The following OPCML variants were observed in gnomAD, a reference collection of about 807,000 sequenced individuals.
OPCML encodes opioid binding protein/cell adhesion molecule like.
In OPCML, 13 loss-of-function variants were observed where a neutral mutation model predicts 37.8. That is an observed-to-expected ratio of 0.34 (90% CI 0.22 to 0.55). The LOEUF is 0.55. Ranked by LOEUF, OPCML falls within the 20% of genes least tolerant of loss-of-function variation. OPCML has a pLI of 0.91. For synonymous variants in OPCML, 176 were observed against 168.8 expected (o/e 1.04, Z -0.33); for missense variants, 341 against 435.6 (o/e 0.78, Z 1.93).
intron 1 of OPCML, among the ~76,000 whole-genome samples, chr11:133,043,273 C>A (rs1172145744): frequency 6.6e-6 from 1 of 152,154 alleles, no homozygotes; most frequent in Non-Finnish European, 1.5e-5. Flanking sequence ...CCTATTTTGA[C>A]TTGAAACTGG....
chr11:132,963,513 A>ATCGCTTGAG (rs1946139881), intron 1 of OPCML, among the ~76,000 whole-genome samples: 1 of 150,130 alleles, frequency 6.7e-6, no homozygotes, highest in Non-Finnish European at 1.5e-5. Context: ...AATCGCTTGA[A>ATCGCTTGAG]CCCAGGAGGC....
intron 1 of OPCML, among the ~76,000 whole-genome samples, chr11:132,963,446 GC>G (rs1036903162): frequency 3.9e-5 from 6 of 152,088 alleles, no homozygotes; most frequent in African/African-American, 1.4e-4. Context: ...CAAAAAATTA[GC>G]CAGGTGTGGT....
intron 2 of OPCML, among the ~76,000 whole-genome samples, chr11:132,823,036 C>T (rs1940084315): frequency 6.6e-6 from 1 of 152,152 alleles, no homozygotes; most frequent in Non-Finnish European, 1.5e-5. Flanking sequence ...GTAAATCAGA[C>T]TTTAATCTTT....
chr11:132,671,676 T>C (rs1441778967), intron 2 of OPCML, among the ~76,000 whole-genome samples: 2 of 152,168 alleles, frequency 1.3e-5, no homozygotes, highest in East Asian at 3.9e-4. Context: ...CTTGTGGGAC[T>C]CTCTGTAGAG....
intron 1 of OPCML, among the ~76,000 whole-genome samples, chr11:133,021,189 C>T (rs1226755539): frequency 4.6e-5 from 7 of 152,172 alleles, no homozygotes; most frequent in Non-Finnish European, 8.8e-5. Flanking sequence ...TAAGAGGATA[C>T]ATACAGGTAA....
rs541131159 is a variant in OPCML at position 133,430,152 on chromosome 11, A to G, written c.61+102112T>C. Among the ~76,000 whole-genome samples the G allele has an allele frequency of 9.8e-5, 15 of 152,326 alleles. No individual in the cohort carries two copies. In the South Asian group the frequency reaches 1.4e-3, roughly 15 times the overall value. ...AAATACCGCTGACAGATCAAATCAC[A>G]TCAAGAATGAAAACTGGCCAATGGA... On this transcript the variant is annotated intron_variant, in intron 1 of 7. Coordinates refer to ENST00000524381, the MANE Select transcript of OPCML (RefSeq NM_001012393.5).
At chr11:133,524,650 G>A (rs570087594) in intron 1 of OPCML, among the ~76,000 whole-genome samples, 52 of 152,366 alleles carry the variant, frequency 3.4e-4, no homozygotes, top group Non-Finnish European at 7.1e-4. Flanking sequence ...CGCAGTGTGC[G>A]ATGTGAGATC....
intron 1 of OPCML, among the ~76,000 whole-genome samples, chr11:132,950,910 G>GAA (rs1178782242): frequency 1.5e-4 from 23 of 152,290 alleles, no homozygotes; most frequent in African/African-American, 5.3e-4. Flanking sequence ...AAGAAAACAG[G>GAA]AAAACGCTGC....
chr11:132,607,214 T>A (rs1938357499), intron 3 of OPCML, among the ~76,000 whole-genome samples: 1 of 152,194 alleles, frequency 6.6e-6, no homozygotes, highest in Non-Finnish European at 1.5e-5. Flanking sequence ...CAGTGGAATA[T>A]CTTAAAAGTC....
At chr11:132,454,548 A>G (rs1249581055) in intron 4 of OPCML, among the ~76,000 whole-genome samples, 2 of 152,190 alleles carry the variant, frequency 1.3e-5, no homozygotes, top group African/African-American at 4.8e-5. Flanking sequence ...GCTCACTGCG[A>G]CAGCCTCGCA....
At chr11:133,381,992 G>A (rs1049136047) in intron 1 of OPCML, among the ~76,000 whole-genome samples, 18 of 152,200 alleles carry the variant, frequency 1.2e-4, no homozygotes, top group African/African-American at 2.9e-4. Context: ...GAGGGAGGCC[G>A]GAGCATCTCA....
rs146671277 is a variant in OPCML, at chr11:133,173,374, C to T, written c.62-230364G>A. Reference sequence around the variant, plus strand: ...AGTCTGAGACTCATAGAGAGGGTATCGATAGGAGTACAGATCCCAGTATGT... The same window carrying T: ...AGTCTGAGACTCATAGAGAGGGTATTGATAGGAGTACAGATCCCAGTATGT... On this transcript the variant is annotated intron_variant, in intron 1 of 7. Coordinates refer to ENST00000524381, the MANE Select transcript of OPCML (RefSeq NM_001012393.5). This position sits in a 1 kb window ranked among gnomAD's most constrained non-coding sequence, Gnocchi z 7.8. 4.6e-4 allele frequency among the ~76,000 whole-genome samples: 70 copies of T among 152,218 alleles called. No individual in the cohort carries two copies. Among genetic ancestry groups the T allele is most frequent in the Non-Finnish European group, 5.7e-4 (39 of 68,030 alleles).
intron 4 of OPCML, among the ~76,000 whole-genome samples, chr11:132,501,088 C>T (rs987836591): frequency 2.1e-5 from 3 of 143,132 alleles, no homozygotes; most frequent in Middle Eastern, 3.5e-3. Context: ...GATTGCTGGG[C>T]CAAATGGTAT....
chr11:133,492,839 T>C (rs1347788854), intron 1 of OPCML, among the ~76,000 whole-genome samples: 1 of 152,182 alleles, frequency 6.6e-6, no homozygotes, highest in Non-Finnish European at 1.5e-5. Flanking sequence ...GTCTATTACA[T>C]GGCAGAATAG....
chr11:133,297,552 T>C (rs1364599027), intron 1 of OPCML: 1 of 152,204 alleles, frequency 6.6e-6, no homozygotes, highest in East Asian at 1.9e-4. Context: ...CCTTAATGAT[T>C]ATGGAGGTTC....
chr11:133,466,311 A>C (rs1565650254), intron 1 of OPCML, among the ~76,000 whole-genome samples: 1 of 152,254 alleles, frequency 6.6e-6, no homozygotes, highest in Non-Finnish European at 1.5e-5. Flanking sequence ...AACAAAATGA[A>C]AATCAAAAGA....
chr11:132,458,066 T>G (rs1201647125), intron 4 of OPCML, among the ~76,000 whole-genome samples: 1 of 151,930 alleles, frequency 6.6e-6, no homozygotes, highest in Non-Finnish European at 1.5e-5. Context: ...GGTGGGGAGA[T>G]ATGTGGGAAA....
chr11:132,959,554 G>A (rs923920580), intron 1 of OPCML, among the ~76,000 whole-genome samples: 1 of 152,198 alleles, frequency 6.6e-6, no homozygotes, highest in African/African-American at 2.4e-5. Flanking sequence ...GAAGAGTGGG[G>A]CACAGTGCAA....
intron 1 of OPCML, among the ~76,000 whole-genome samples, chr11:133,407,735 G>A (rs957185360): frequency 1.3e-5 from 2 of 152,216 alleles, no homozygotes; most frequent in Non-Finnish European, 2.9e-5. Flanking sequence ...AGAGACTGTG[G>A]TCAGAGAGGA....
Sources: gnomAD v4.1 joint callset for allele counts (sites outside exome capture counted in the v4.1 genomes callset) on GRCh38, gnomAD v4.1.1 for gene constraint, Gnocchi (gnomAD v3.1) non-coding constraint, MANE v1.5 for transcripts, NCBI Gene and HGNC (gene_info 2026-07-23, HGNC 2026-07-21) for gene names.